Variants in LOC128125817 observed in about 807,000 individuals in gnomAD.
chr1:41,586,721 C>T, the LOC128125817 span, among the ~76,000 whole-genome samples: 1 of 152,184 alleles, frequency 6.6e-6, no homozygotes, highest in African/African-American at 2.4e-5. Flanking sequence ...GCAGGGCCCT[C>T]GGACACTGTG....
chr1:41,598,714 G>C, the LOC128125817 span, among the ~76,000 whole-genome samples: 1 of 152,266 alleles, frequency 6.6e-6, no homozygotes, highest in Non-Finnish European at 1.5e-5. Context: ...CAGTAATCAA[G>C]ACAGTATAGT....
At chr1:41,616,337 T>A in the LOC128125817 span, among the ~76,000 whole-genome samples, 1 of 152,212 alleles carries the variant, frequency 6.6e-6, no homozygotes, top group Non-Finnish European at 1.5e-5. Flanking sequence ...GTTCCCCACC[T>A]GCACAAAGGA....
the LOC128125817 span, among the ~76,000 whole-genome samples, chr1:41,606,653 C>T: frequency 6.6e-6 from 1 of 151,866 alleles, no homozygotes; most frequent in Non-Finnish European, 1.5e-5. Flanking sequence ...GATGAAATAA[C>T]TCCAGGAGGT....
At chr1:41,589,293 A>G in the LOC128125817 span, among the ~76,000 whole-genome samples, 215 of 152,354 alleles carry the variant, frequency 1.4e-3, no homozygotes, top group African/African-American at 5.1e-3. Context: ...GCTCTCGCTC[A>G]GAGACCAGCT....
the LOC128125817 span, among the ~76,000 whole-genome samples, chr1:41,608,890 G>A: frequency 2.1e-5 from 3 of 145,062 alleles, no homozygotes; most frequent in Non-Finnish European, 4.4e-5. Flanking sequence ...TGACCACATG[G>A]TGAAACCCTG....
At chr1:41,627,667 C>T in the LOC128125817 span, among the ~76,000 whole-genome samples, 13 of 152,238 alleles carry the variant, frequency 8.5e-5, no homozygotes, top group Middle Eastern at 3.4e-3. Context: ...TTCAGAGAAG[C>T]GAAAGAGTCA....
chr1:41,628,617 G>T, the LOC128125817 span: 1 of 712,258 alleles, frequency 1.4e-6, no homozygotes, highest in South Asian at 7.4e-5. Flanking sequence ...TTTCACAGAG[G>T]CACCAGAAAG....
chr1:41,621,789 A>T, the LOC128125817 span, among the ~76,000 whole-genome samples: 2 of 152,152 alleles, frequency 1.3e-5, no homozygotes, highest in Non-Finnish European at 2.9e-5. Flanking sequence ...AGTAGCTGGG[A>T]TTACAGGCCT....
the LOC128125817 span, among the ~76,000 whole-genome samples, chr1:41,602,199 GTTTTC>G: frequency 2.0e-5 from 3 of 152,224 alleles, no homozygotes; most frequent in East Asian, 1.9e-4. Context: ...TTAGCCTGTA[GTTTTC>G]TTTTCTTGTG....
chr1:41,616,563 C>T, the LOC128125817 span, among the ~76,000 whole-genome samples: 1 of 119,502 alleles, frequency 8.4e-6, no homozygotes, highest in Non-Finnish European at 1.7e-5. Context: ...GAGGCAATAG[C>T]AATTACTTTT....
chr1:41,613,037 G>C, the LOC128125817 span, among the ~76,000 whole-genome samples: 1 of 152,244 alleles, frequency 6.6e-6, no homozygotes, highest in South Asian at 2.1e-4. Context: ...AAGGGACCTG[G>C]ACAGGGCAGA....
the LOC128125817 span, among the ~76,000 whole-genome samples, chr1:41,611,338 T>C: frequency 0.09 from 13,747 of 152,158 alleles, 674 homozygotes; most frequent in Middle Eastern, 0.18. Context: ...GGAAGGCAAA[T>C]TCCATCTCGT....
At chr1:41,611,869 G>A in the LOC128125817 span, among the ~76,000 whole-genome samples, 1 of 152,198 alleles carries the variant, frequency 6.6e-6, no homozygotes, top group East Asian at 1.9e-4. Flanking sequence ...TCCCTAGCCT[G>A]GGAACTCCGG....
the LOC128125817 span, among the ~76,000 whole-genome samples, chr1:41,620,292 G>A: frequency 1.3e-5 from 2 of 152,298 alleles, no homozygotes; most frequent in East Asian, 1.9e-4. Context: ...ATTTTTTCTC[G>A]TGATTTCAGT....
At chr1:41,598,206 G>T in the LOC128125817 span, among the ~76,000 whole-genome samples, 2 of 152,142 alleles carry the variant, frequency 1.3e-5, no homozygotes, top group Admixed American at 6.5e-5. Flanking sequence ...CATCAACACC[G>T]CCTAAGAGAG....
chr1:41,627,179 G>A, the LOC128125817 span, among the ~76,000 whole-genome samples: 16 of 152,332 alleles, frequency 1.1e-4, no homozygotes, highest in Non-Finnish European at 1.8e-4. Flanking sequence ...GCCCACACAC[G>A]CCAGAAGGGT....
At chr1:41,620,202 C>T in the LOC128125817 span, among the ~76,000 whole-genome samples, 1 of 152,208 alleles carries the variant, frequency 6.6e-6, no homozygotes, top group African/African-American at 2.4e-5. Flanking sequence ...TGACAGGTGG[C>T]ACAGGTGGGT....
At chr1:41,615,347 T>C in the LOC128125817 span, among the ~76,000 whole-genome samples, 1 of 152,358 alleles carries the variant, frequency 6.6e-6, no homozygotes, top group South Asian at 2.1e-4. Flanking sequence ...TCCCTCACCT[T>C]GGGATGCACT....
At chr1:41,622,589 G>C in the LOC128125817 span, among the ~76,000 whole-genome samples, 1 of 152,314 alleles carries the variant, frequency 6.6e-6, no homozygotes, top group Admixed American at 6.5e-5. Flanking sequence ...CAATGACAAA[G>C]TCAAGAGAGA....
Sources: gnomAD v4.1 joint callset for allele counts (sites outside exome capture counted in the v4.1 genomes callset) on GRCh38, gnomAD v4.1.1 for gene constraint, MANE v1.5 for transcripts.